Variants in BBX observed in about 807,000 individuals in gnomAD.
BBX encodes the protein BBX high mobility group box domain containing, also known as HMG box transcription factor BBX.
A neutral mutation model predicts 100.2 loss-of-function variants in BBX; 30 were observed. That is an observed-to-expected ratio of 0.30 (90% confidence interval 0.22 to 0.41). The LOEUF is 0.41. Ranked by LOEUF, BBX falls within the 10% of genes least tolerant of loss-of-function variation. The pLI, the probability that BBX is intolerant of heterozygous loss-of-function variation, is 1.00. For synonymous variants in BBX, 376 were observed against 388.1 expected (o/e 0.97, Z 0.37); for missense variants, 1,023 against 1,129.8 (o/e 0.91, Z 1.35).
chr3:107,594,957 C>G (rs2053580627), intron 2 of BBX, among the ~76,000 whole-genome samples: 1 of 152,214 alleles, frequency 6.6e-6, no homozygotes, highest in South Asian at 2.1e-4. Flanking sequence ...TGTCTGGATT[C>G]AAACTCACAT....
chr3:107,626,644 TTTCCATA>T (rs1166027250), intron 2 of BBX, among the ~76,000 whole-genome samples: 1 of 138,918 alleles, frequency 7.2e-6, no homozygotes, highest in Non-Finnish European at 1.5e-5. Context: ...CATGTGGACC[TTTCCATA>T]GGATTTTTTT....
rs370933942 is a variant in BBX at position 107,774,761 on chromosome 3, G to C, written c.1958G>C (p.Gly653Ala). Residue 653 changes from glycine to alanine, a missense_variant, in exon 12 of 18, where the codon GGG becomes GCG. Around this residue, in one of 9 missense-constraint regions of BBX, gnomAD observed 215 missense variants for 211.3 expected, o/e 1.02. Coordinates refer to ENST00000325805, the MANE Select transcript of BBX (RefSeq NM_001142568.3). Reference sequence around the variant, plus strand: ...AAAGGAAACTCCTCTGATCATGAAGGGTGTTGGAATGAAGAAAGCTGGACA... The same window carrying C: ...AAAGGAAACTCCTCTGATCATGAAGCGTGTTGGAATGAAGAAAGCTGGACA... Reference protein sequence around the residue: ...SGKGNSSDHEGCWNEESWTFS... With the variant: ...SGKGNSSDHEACWNEESWTFS... 55 of 1,613,446 alleles carry C rather than the reference G, an allele frequency of 3.4e-5. No homozygotes were observed. Among genetic ancestry groups the C allele is most frequent in the Admixed American group, 6.7e-5 (4 of 59,954 alleles).
intron 2 of BBX, among the ~76,000 whole-genome samples, chr3:107,560,324 A>C (rs971228045): frequency 6.6e-6 from 1 of 152,218 alleles, no homozygotes; most frequent in African/African-American, 2.4e-5. Context: ...AAAAAAAAGT[A>C]ATTAAATGAT....
intron 10 of BBX, among the ~76,000 whole-genome samples, chr3:107,758,758 T>C (rs2065676771): frequency 6.6e-6 from 1 of 152,134 alleles, no homozygotes; most frequent in Non-Finnish European, 1.5e-5. Context: ...CATTGAGTCT[T>C]GTGTAGAGTT....
At chr3:107,604,088 C>T (rs138253515) in intron 2 of BBX, among the ~76,000 whole-genome samples, 1,691 of 152,122 alleles carry the variant, frequency 0.011, 16 homozygotes, top group Non-Finnish European at 0.017. Context: ...GTTTTTAATT[C>T]CTCCCATTGC....
chr3:107,593,016 A>C (rs1323504866), intron 2 of BBX, among the ~76,000 whole-genome samples: 1 of 152,190 alleles, frequency 6.6e-6, no homozygotes. Flanking sequence ...TACTTCTAAA[A>C]AGCTAATTAT....
intron 2 of BBX, among the ~76,000 whole-genome samples, chr3:107,556,423 A>C (rs562304005): frequency 6.6e-6 from 1 of 152,242 alleles, no homozygotes; most frequent in Admixed American, 6.5e-5. Context: ...CCATTTTGCC[A>C]AGCAAACTTT....
intron 3 of BBX, among the ~76,000 whole-genome samples, chr3:107,682,234 A>G (rs2059608793): frequency 6.6e-6 from 1 of 152,124 alleles, no homozygotes; most frequent in Admixed American, 6.6e-5. Context: ...AGAACATTTA[A>G]TAGTTTTTCC....
chr3:107,683,695 C>G (rs1400885178), intron 3 of BBX, among the ~76,000 whole-genome samples: 1 of 152,070 alleles, frequency 6.6e-6, no homozygotes, highest in Non-Finnish European at 1.5e-5. Flanking sequence ...GGATGCGTCC[C>G]AAAAGTTAGA....
At chr3:107,545,036 A>G (rs1486592573) in intron 2 of BBX, among the ~76,000 whole-genome samples, 1 of 152,036 alleles carries the variant, frequency 6.6e-6, no homozygotes, top group Non-Finnish European at 1.5e-5. Flanking sequence ...AAATTTTTTA[A>G]AAAGTAATAG....
chr3:107,654,727 C>A (rs1017065036), intron 3 of BBX, among the ~76,000 whole-genome samples: 2 of 152,068 alleles, frequency 1.3e-5, no homozygotes, highest in Non-Finnish European at 2.9e-5. Context: ...GTAGGGTGAT[C>A]TCTTAGAAAC....
chr3:107,563,116 C>T (rs1019633220), intron 2 of BBX, among the ~76,000 whole-genome samples: 2 of 152,168 alleles, frequency 1.3e-5, no homozygotes, highest in African/African-American at 2.4e-5. Context: ...GAGGAGTGCT[C>T]AGGGTCAGCG....
At chr3:107,530,375 A>G (rs1270765067) in intron 2 of BBX, among the ~76,000 whole-genome samples, 1 of 150,662 alleles carries the variant, frequency 6.6e-6, no homozygotes, top group Non-Finnish European at 1.5e-5. Context: ...ACAGAGCAAG[A>G]CTCTGTCTCC....
intron 3 of BBX, among the ~76,000 whole-genome samples, chr3:107,668,055 T>C (rs998751935): frequency 3.9e-5 from 6 of 152,218 alleles, no homozygotes; most frequent in Admixed American, 3.9e-4. Flanking sequence ...AAGTCGCTGA[T>C]TGTTTTTGTA....
At chr3:107,771,122 C>T (rs1310505768) in intron 10 of BBX, among the ~76,000 whole-genome samples, 2 of 152,130 alleles carry the variant, frequency 1.3e-5, no homozygotes, top group East Asian at 3.9e-4. Context: ...TTCCTTGCTG[C>T]CCTTGACCAA....
chr3:107,791,653 G>C (rs2069053565), intron 15 of BBX, among the ~76,000 whole-genome samples: 2 of 152,296 alleles, frequency 1.3e-5, no homozygotes, highest in South Asian at 4.1e-4. Flanking sequence ...GGTTGGCTGG[G>C]CATGGGCAGG....
At chr3:107,756,821 G>C (rs1230132696) in intron 10 of BBX, among the ~76,000 whole-genome samples, 1 of 152,088 alleles carries the variant, frequency 6.6e-6, no homozygotes, top group Non-Finnish European at 1.5e-5. Flanking sequence ...AGACAGCAGG[G>C]AATAGTTCTC....
Position 107,726,495 on chromosome 3 carries a change from C to T in BBX, c.406-2270C>T, listed in dbSNP as rs559093892. On this transcript the variant is annotated intron_variant, in intron 5 of 17. Transcript: ENST00000325805. ...TGGAACTAATGAACGTGGTTTTGAA[C>T]ATCTACATTGAGTTTAAGAATCTGC... Among the ~76,000 whole-genome samples, 4 of 152,144 alleles carry T rather than the reference C, an allele frequency of 2.6e-5. No homozygotes were observed. In the South Asian group the frequency reaches 6.2e-4, roughly 24 times the overall value.
chr3:107,661,544 A>G (rs2058444729), intron 3 of BBX, among the ~76,000 whole-genome samples: 1 of 152,186 alleles, frequency 6.6e-6, no homozygotes, highest in South Asian at 2.1e-4. Context: ...CAGAAAAACC[A>G]TGGCAATAAC....
Sources: gnomAD v4.1 joint callset for allele counts (sites outside exome capture counted in the v4.1 genomes callset) on GRCh38, gnomAD v4.1.1 for gene constraint, gnomAD v4.1.1 regional missense constraint, MANE v1.5 for transcripts, NCBI Gene and HGNC (gene_info 2026-07-23, HGNC 2026-07-21) for gene names.